The following CMSS1 variants were observed in gnomAD, a reference collection of about 807,000 sequenced individuals.
CMSS1 encodes the protein cms1 ribosomal small subunit homolog.
Under a neutral mutation model 43.5 loss-of-function variants are expected in CMSS1, and 33 were observed. That is an observed-to-expected ratio of 0.76 (90% CI 0.57 to 1.01). CMSS1 has a LOEUF of 1.01. Among genes scored for constraint, CMSS1 ranks in the 50% least tolerant of loss-of-function variants. The probability of loss-of-function intolerance (pLI) is 0.00; values close to 1 mark genes in which losing one functional copy is unlikely to be tolerated. For synonymous variants in CMSS1, 115 were observed against 117.2 expected (o/e 0.98, Z 0.12); for missense variants, 313 against 326.4 (o/e 0.96, Z 0.32).
At chr3:99,987,721 T>G (rs1709387301) in intron 1 of CMSS1, among the ~76,000 whole-genome samples, 1 of 152,190 alleles carries the variant, frequency 6.6e-6, no homozygotes, top group African/African-American at 2.4e-5. Flanking sequence ...CCTCAGTTAT[T>G]TTCTTCACAG....
At chr3:100,068,381 TG>T (rs2065703192) in intron 1 of CMSS1, among the ~76,000 whole-genome samples, 2 of 137,908 alleles carry the variant, frequency 1.5e-5, no homozygotes, top group Admixed American at 1.5e-4. Flanking sequence ...TGTGTGTGTG[TG>T]TCAGAGAGAT....
chr3:100,013,336 C>G (rs1710222368), intron 1 of CMSS1, among the ~76,000 whole-genome samples: 2 of 151,942 alleles, frequency 1.3e-5, no homozygotes, highest in South Asian at 2.1e-4. Flanking sequence ...CTCCACTTCC[C>G]AGGTTCAAGC....
intron 1 of CMSS1, among the ~76,000 whole-genome samples, chr3:99,823,340 G>A (rs1942475797): frequency 6.6e-6 from 1 of 152,190 alleles, no homozygotes; most frequent in Non-Finnish European, 1.5e-5. Flanking sequence ...TAATAGGGAT[G>A]TCAAATGTAA....
intron 1 of CMSS1, among the ~76,000 whole-genome samples, chr3:99,997,549 C>T (rs930719941): frequency 1.3e-5 from 2 of 152,056 alleles, no homozygotes; most frequent in African/African-American, 4.8e-5. Context: ...TTCAATTTTG[C>T]CAGAGCCTGA....
intron 1 of CMSS1, among the ~76,000 whole-genome samples, chr3:99,964,845 T>A (rs1413348981): frequency 3.9e-5 from 6 of 152,140 alleles, no homozygotes; most frequent in African/African-American, 1.4e-4. Flanking sequence ...TCCCTGTAAC[T>A]GTGGAAAAAC....
chr3:100,127,693 C>T (rs932508214), intron 1 of CMSS1, among the ~76,000 whole-genome samples: 10 of 152,166 alleles, frequency 6.6e-5, no homozygotes, highest in African/African-American at 2.4e-4. Flanking sequence ...TACATAATCC[C>T]ACAATTAGAA....
chr3:100,128,572 G>A (rs1208520552), intron 1 of CMSS1, among the ~76,000 whole-genome samples: 1 of 152,140 alleles, frequency 6.6e-6, no homozygotes, highest in African/African-American at 2.4e-5. Context: ...TAAGTGTACT[G>A]TTCAATCAGT....
At chr3:99,854,022 G>C (rs943690852) in intron 1 of CMSS1, among the ~76,000 whole-genome samples, 4 of 152,210 alleles carry the variant, frequency 2.6e-5, no homozygotes, top group African/African-American at 9.6e-5. Context: ...GAGAGGGAAA[G>C]ACAGCTGGTT....
intron 1 of CMSS1, among the ~76,000 whole-genome samples, chr3:100,140,111 AAAT>A (rs2066793026): frequency 2.0e-5 from 3 of 152,358 alleles, no homozygotes; most frequent in African/African-American, 7.2e-5. Context: ...TCACTTTAAG[AAAT>A]AATGATTGAA....
At chr3:100,066,517 CTTTTTTTTT>C (rs545356638) in intron 1 of CMSS1, among the ~76,000 whole-genome samples, 6 of 38,320 alleles carry the variant, frequency 1.6e-4, no homozygotes, top group South Asian at 3.1e-3. Context: ...GGCTTTGCTT[CTTTTTTTTT>C]TTTTTTTTTT....
intron 1 of CMSS1, among the ~76,000 whole-genome samples, chr3:99,913,643 A>G (rs749553642): frequency 5.3e-5 from 8 of 152,230 alleles, no homozygotes; most frequent in Non-Finnish European, 7.3e-5. Flanking sequence ...TTGCTGATAT[A>G]TGCTTGTAAT....
At chr3:100,029,197 GATTT>G (rs1480857541) in intron 1 of CMSS1, among the ~76,000 whole-genome samples, 2 of 151,414 alleles carry the variant, frequency 1.3e-5, no homozygotes, top group African/African-American at 4.8e-5. Context: ...AAATTTTTCA[GATTT>G]ATTTGTCTAA....
chr3:99,864,531 T>C (rs1559665939), intron 1 of CMSS1, among the ~76,000 whole-genome samples: 1 of 152,190 alleles, frequency 6.6e-6, no homozygotes, highest in Non-Finnish European at 1.5e-5. Flanking sequence ...CTGTGTTCTT[T>C]CTACCTAACA....
intron 1 of CMSS1, among the ~76,000 whole-genome samples, chr3:100,120,157 A>G (rs1000088533): frequency 4.6e-5 from 7 of 152,266 alleles, no homozygotes; most frequent in South Asian, 4.1e-4. Flanking sequence ...ATGTTCTTCA[A>G]TAATGCCAAA....
chr3:99,956,502 A>C (rs1019345041), intron 1 of CMSS1, among the ~76,000 whole-genome samples: 2 of 152,098 alleles, frequency 1.3e-5, no homozygotes, highest in Admixed American at 1.3e-4. Flanking sequence ...ACAGGCACCC[A>C]CTACCACACT....
chr3:100,005,482 T>C (rs1161341420), intron 1 of CMSS1, among the ~76,000 whole-genome samples: 2 of 152,232 alleles, frequency 1.3e-5, no homozygotes. Flanking sequence ...TCTATATTTA[T>C]AGCATCCCTG....
intron 1 of CMSS1, among the ~76,000 whole-genome samples, chr3:100,070,516 A>G (rs2065743290): frequency 6.6e-6 from 1 of 152,250 alleles, no homozygotes; most frequent in Non-Finnish European, 1.5e-5. Context: ...AAACTTACAG[A>G]TAAACCTTGT....
chr3:100,165,384 T>C (rs991882549), intron 4 of CMSS1, among the ~76,000 whole-genome samples: 9 of 152,172 alleles, frequency 5.9e-5, no homozygotes, highest in Non-Finnish European at 1.3e-4. Flanking sequence ...ATTATTCTCA[T>C]TCTTCCCTAA....
chr3:99,978,966 T>C (rs1453952991), intron 1 of CMSS1, among the ~76,000 whole-genome samples: 1 of 151,636 alleles, frequency 6.6e-6, no homozygotes, highest in Non-Finnish European at 1.5e-5. Flanking sequence ...TATGGAGAGG[T>C]TGGTTAACAG....
Sources: allele counts gnomAD v4.1 joint callset (sites outside exome capture counted in the v4.1 genomes callset), GRCh38; gene constraint gnomAD v4.1.1; transcripts MANE v1.5; gene names NCBI Gene and HGNC (gene_info 2026-07-23, HGNC 2026-07-21).